Variants in PTPN4 observed in about 807,000 individuals in gnomAD.
The protein encoded by PTPN4 is protein tyrosine phosphatase non-receptor type 4.
In PTPN4, 49 loss-of-function variants were observed where a neutral mutation model predicts 135.5. That is an observed-to-expected ratio of 0.36 (90% CI 0.29 to 0.46). The LOEUF (loss-of-function observed/expected upper bound fraction) is 0.46, where lower values mean the gene tolerates loss of function less well. PTPN4 is among the 20% of genes least tolerant of loss of function. The pLI is 1.00. For missense variants in PTPN4, 860 were observed against 1,101.0 expected (o/e 0.78, Z 3.10); for synonymous variants, 333 against 369.9 (o/e 0.90, Z 1.14).
intron 2 of PTPN4, among the ~76,000 whole-genome samples, chr2:119,821,928 T>C (rs990403742): frequency 4.6e-5 from 7 of 152,236 alleles, no homozygotes; most frequent in African/African-American, 1.7e-4. Context: ...AATTCCTGAT[T>C]GTTTATGTAT....
chr2:119,768,787 C>T (rs1321288476), intron 1 of PTPN4, among the ~76,000 whole-genome samples: 1 of 152,168 alleles, frequency 6.6e-6, no homozygotes, highest in African/African-American at 2.4e-5. Flanking sequence ...AAGAGAACTT[C>T]TCATTTAATC....
intron 1 of PTPN4, among the ~76,000 whole-genome samples, chr2:119,773,431 CT>C (rs1157232813): frequency 6.6e-6 from 1 of 151,886 alleles, no homozygotes; most frequent in African/African-American, 2.4e-5. Flanking sequence ...AATATCAAGA[CT>C]TTTTTTCAAT....
rs185757874 is a variant in PTPN4 at position 119,909,623 on chromosome 2, T to C, written c.765-5556T>C. 9.2e-5 allele frequency among the ~76,000 whole-genome samples: 14 copies of C among 152,286 alleles called. No individual in the cohort carries two copies. In the East Asian group the frequency reaches 2.3e-3, roughly 25 times the overall value. ...AATCTTTTTTAAGAAACATATTTTG[T>C]AAGGCTGTAGTGGCCATTGAGGATG... On this transcript the variant is annotated intron_variant, in intron 10 of 26. Transcript: ENST00000263708.
In PTPN4 at chr2:119,962,535, TA is replaced by T. The variant is rs982432205; in HGVS notation, c.2281-74del. 1.4e-5 allele frequency: 12 copies of T among 869,828 alleles called. 1 individual carries two copies. In the South Asian group the frequency reaches 5.5e-4, roughly 40 times the overall value. The allele number at this position is 869,828 out of a possible 1,614,324, so 53.9% of individuals were successfully genotyped here. A position where few individuals can be genotyped will look rare whatever the true frequency, so the allele number is the denominator to read the frequency against. On this transcript the variant is annotated intron_variant, in intron 23 of 26. Coordinates refer to ENST00000263708, the MANE Select transcript of PTPN4 (RefSeq NM_002830.4). Reference sequence around the variant, plus strand: ...TAACTTTTATATGTTTGAAATTTATTAAAAAAACATTTTTAAAAATTGGAGA... The same window carrying T: ...TAACTTTTATATGTTTGAAATTTATTAAAAAACATTTTTAAAAATTGGAGA...
intron 1 of PTPN4, 135 bp from the exon 2 acceptor site, chr2:119,809,702 A>T (rs1038752485): frequency 1.2e-5 from 9 of 737,932 alleles, no homozygotes; most frequent in Middle Eastern, 3.2e-4. Context: ...TACAATTCTT[A>T]TTCTGGTGTT....
chr2:119,877,495 C>A lies in PTPN4; in HGVS notation c.321C>A (p.Val107=). ...RGSPYSLNFR[V]KFFVSDPNKL... is the part of the protein sequence containing the mutation. ...CTCCTTACAGTTTGAACTTTAGAGT[C>A]AAATTTTTTGTAAGTGACCCCAACA... Residue 107 remains valine, a synonymous_variant, in exon 5 of 27, where the codon GTC becomes GTA. Coordinates refer to ENST00000263708, the MANE Select transcript of PTPN4 (RefSeq NM_002830.4). 1 of 1,609,942 alleles carries A rather than the reference C, an allele frequency of 6.2e-7. No individual in the cohort carries two copies. The highest frequency in any genetic ancestry group is 1.1e-5 in the South Asian group (1 of 89,808).
intron 2 of PTPN4, among the ~76,000 whole-genome samples, chr2:119,829,849 G>T (rs1004372463): frequency 2.0e-5 from 3 of 152,144 alleles, no homozygotes; most frequent in Admixed American, 6.5e-5. Flanking sequence ...AGCATTTCTG[G>T]ATCACGTGAT....
rs1679686524 is a variant in PTPN4 at position 119,981,131 on chromosome 2, T to G, written c.*4061T>G. ...TATACCACAATAATGTGGGATATGT[T>G]TACAGGCTCTTTTATTTTGTGGTAG... On this transcript the variant is annotated 3_prime_UTR_variant, in exon 27 of 27. Coordinates refer to ENST00000263708, the MANE Select transcript of PTPN4 (RefSeq NM_002830.4). The G allele has an allele frequency of 6.6e-6, 1 of 152,122 alleles. No homozygotes were observed. The highest frequency in any genetic ancestry group is 2.1e-4 in the South Asian group (1 of 4,836). The allele number at this position is 152,122 out of a possible 1,614,324, so 9.4% of individuals were successfully genotyped here.
chr2:119,958,230 A>G (rs1679316163), intron 22 of PTPN4, among the ~76,000 whole-genome samples: 1 of 151,834 alleles, frequency 6.6e-6, no homozygotes, highest in Non-Finnish European at 1.5e-5. Context: ...CCAGCTACTC[A>G]GGAGACTGAG....
At chr2:119,936,330 C>T (rs899463684) in intron 15 of PTPN4, among the ~76,000 whole-genome samples, 3 of 152,132 alleles carry the variant, frequency 2.0e-5, no homozygotes, top group Admixed American at 2.0e-4. Context: ...GATTCACAAA[C>T]CCCCAAATCA....
chr2:119,794,360 C>T (rs758509308), intron 1 of PTPN4, among the ~76,000 whole-genome samples: 20 of 152,156 alleles, frequency 1.3e-4, no homozygotes, highest in African/African-American at 2.4e-4. Context: ...ACTTGGCTCC[C>T]GCTACCAGCC....
rs1263888057 is a variant in PTPN4, at chr2:119,977,336, T to C, written c.*266T>C. 5 of 380,166 alleles carry C rather than the reference T, an allele frequency of 1.3e-5. No homozygotes were observed. In the South Asian group the frequency reaches 2.6e-4, roughly 19 times the overall value. 23.5% of individuals were successfully genotyped at this position (380,166 alleles called of 1,614,324 possible). On this transcript the variant is annotated 3_prime_UTR_variant, in exon 27 of 27. Coordinates refer to ENST00000263708, the MANE Select transcript of PTPN4 (RefSeq NM_002830.4). ...TATGTTCAGGGTAATTTATGAAATT[T>C]TGTGGTGGTGCCATGCAATCCCCTT...
intron 11 of PTPN4, among the ~76,000 whole-genome samples, chr2:119,919,652 G>A (rs568381011): frequency 2.6e-5 from 4 of 152,032 alleles, no homozygotes; most frequent in East Asian, 1.9e-4. Flanking sequence ...GTGAAACCCC[G>A]TCTCTACTAA....
intron 26 of PTPN4, among the ~76,000 whole-genome samples, chr2:119,973,687 A>G (rs1574428185): frequency 8.3e-5 from 2 of 24,184 alleles, no homozygotes; most frequent in South Asian, 9.4e-4. Context: ...TTTTTTGGTA[A>G]TTTACTTGAT....
intron 1 of PTPN4, among the ~76,000 whole-genome samples, chr2:119,802,178 C>A (rs1691388785): frequency 6.6e-6 from 1 of 152,176 alleles, no homozygotes; most frequent in Non-Finnish European, 1.5e-5. Flanking sequence ...GCTGGGATTA[C>A]CGGCCACCGT....
In PTPN4 at chr2:119,934,890, C is replaced by T. The variant is rs752734592; in HGVS notation, c.1287C>T (p.Ser429=). The T allele has an allele frequency of 9.3e-6, 15 of 1,613,174 alleles. No homozygotes were observed. The highest frequency in any genetic ancestry group is 6.7e-5 in the East Asian group (3 of 44,884). ...ACCATATGGTTCATACTTCCCCAAG[C>T]GAAGTGTTTGTAAATCAGAGATCTC... is the stretch of plus-strand genomic sequence containing the variant. ...LVDHMVHTSP[S]EVFVNQRSPS... Residue 429 remains serine, a synonymous_variant, in exon 15 of 27, where the codon AGC becomes AGT. Transcript: ENST00000263708.
chr2:119,769,668 T>A (rs1690699153), intron 1 of PTPN4, among the ~76,000 whole-genome samples: 1 of 152,204 alleles, frequency 6.6e-6, no homozygotes, highest in Non-Finnish European at 1.5e-5. Flanking sequence ...GGGGACAGCA[T>A]CAAGAAAAAT....
At chr2:119,829,855 G>A (rs1015309093) in intron 2 of PTPN4, among the ~76,000 whole-genome samples, 2 of 152,136 alleles carry the variant, frequency 1.3e-5, no homozygotes, top group African/African-American at 2.4e-5. Flanking sequence ...TCTGGATCAC[G>A]TGATAATTCA....
intron 3 of PTPN4, among the ~76,000 whole-genome samples, chr2:119,863,221 A>C (rs1677785652): frequency 6.6e-6 from 1 of 152,162 alleles, no homozygotes; most frequent in South Asian, 2.1e-4. Context: ...AATAGAAGAT[A>C]GCATGTGATG....
Sources: gnomAD v4.1 joint callset for allele counts (sites outside exome capture counted in the v4.1 genomes callset) on GRCh38, gnomAD v4.1.1 for gene constraint, MANE v1.5 for transcripts, NCBI Gene and HGNC (gene_info 2026-07-23, HGNC 2026-07-21) for gene names.